Variants in RAB11FIP3 observed in about 807,000 individuals in gnomAD.
RAB11FIP3 encodes the protein rab11 family-interacting protein 3.
A neutral mutation model predicts 77.8 loss-of-function variants in RAB11FIP3; 17 were observed. The observed-to-expected ratio is 0.22, with a 90% CI of 0.15 to 0.33. RAB11FIP3 has a LOEUF of 0.33. RAB11FIP3 is among the 10% of genes least tolerant of loss of function. The pLI is 1.00. For missense variants in RAB11FIP3, 1,005 were observed against 1,011.2 expected, an observed-to-expected ratio of 0.99 and a Z score of 0.08; for synonymous variants, 437 against 448.2, an observed-to-expected ratio of 0.98 and a Z score of 0.31.
chr16:483,687 G>C (rs943060110), intron 4 of RAB11FIP3, among the ~76,000 whole-genome samples: 6 of 152,142 alleles, frequency 3.9e-5, no homozygotes, highest in African/African-American at 1.4e-4. Context: ...CCCTGGTGCA[G>C]GAGGGAATTA....
At chr16:468,679 A>G (rs1375946047) in intron 2 of RAB11FIP3, among the ~76,000 whole-genome samples, 1 of 152,138 alleles carries the variant, frequency 6.6e-6, no homozygotes, top group Non-Finnish European at 1.5e-5. Flanking sequence ...GCCTTGTTTC[A>G]GGAATAGAAT....
chr16:492,494 A>G lies in RAB11FIP3; in HGVS notation c.1265+3494A>G, dbSNP rs1265465246. Among the ~76,000 whole-genome samples the G allele has an allele frequency of 1.4e-4, 15 of 103,480 alleles. 2 individuals are homozygous for G. The highest frequency in any genetic ancestry group is 3.4e-4 in the African/African-American group (10 of 29,302). The allele number at this position is 103,480 out of a possible 152,430, so 67.9% of individuals were successfully genotyped here. On this transcript the variant is annotated intron_variant, in intron 5 of 13. Transcript: ENST00000262305. Reference sequence around the variant, plus strand: ...CGAGGCCGCCCAGGGCCCTCCCGGGAGACCCGAGGCCGCCCAGGGCCCTCC... The same window carrying G: ...CGAGGCCGCCCAGGGCCCTCCCGGGGGACCCGAGGCCGCCCAGGGCCCTCC...
intron 3 of RAB11FIP3, among the ~76,000 whole-genome samples, chr16:476,078 A>G (rs2055902148): frequency 6.6e-6 from 1 of 152,048 alleles, no homozygotes; most frequent in South Asian, 2.1e-4. Context: ...CTGGTCTCGA[A>G]CTCCTGGCCT....
intron 8 of RAB11FIP3, among the ~76,000 whole-genome samples, chr16:509,840 C>T (rs1208154121): frequency 6.6e-6 from 1 of 152,230 alleles, no homozygotes; most frequent in Non-Finnish European, 1.5e-5. Flanking sequence ...CCATGTGGAC[C>T]TGGCATCTCA....
intron 5 of RAB11FIP3, 39 bp from the exon 6 acceptor site, chr16:496,785 G>T (rs781417147): frequency 1.3e-6 from 2 of 1,552,052 alleles, no homozygotes; most frequent in East Asian, 2.2e-5. Flanking sequence ...CTCTCTGTCT[G>T]TTCTAACAAT....
Position 426,536 on chromosome 16 carries a change from G to T in RAB11FIP3, c.530G>T (p.Gly177Val). ...PTAGELALEQ[G>V]PGSPPQPSDL... is the part of the protein sequence containing the mutation. ...GCGGGCGAGCTGGCGCTGGAGCAAG[G>T]TCCCGGGTCCCCGCCGCAGCCCTCG... The change falls in exon 1 of 14, where the codon GGT becomes GTT. Residue 177 changes from glycine (G) to valine (V), a missense_variant. Physicochemically the swap from Gly to Val is moderately radical, Grantham distance 109. Coordinates refer to ENST00000262305, the MANE Select transcript of RAB11FIP3 (RefSeq NM_014700.4). The surrounding 1 kb of genome is among the most constrained non-coding windows in gnomAD (Gnocchi z 5.0). The T allele has an allele frequency of 6.4e-7, 1 of 1,565,394 alleles. No individual in the cohort carries two copies.
At chr16:462,506 G>A (rs2055624532) in intron 2 of RAB11FIP3, among the ~76,000 whole-genome samples, 2 of 152,138 alleles carry the variant, frequency 1.3e-5, no homozygotes, top group African/African-American at 4.8e-5. Flanking sequence ...AGGCTGAGGT[G>A]CTGGGATTAC....
chr16:462,753 GCACCA>G (rs780861724), intron 2 of RAB11FIP3, among the ~76,000 whole-genome samples: 5 of 90,552 alleles, frequency 5.5e-5, no homozygotes, highest in South Asian at 4.2e-4. Context: ...CCCCAGCACC[GCACCA>G]TCCCTTCCCC....
intron 10 of RAB11FIP3, 92 bp from the exon 11 acceptor site, chr16:519,662 G>A (rs866336161): frequency 2.0e-6 from 3 of 1,516,448 alleles, no homozygotes; most frequent in African/African-American, 1.4e-5. Context: ...GCTGTTGGGA[G>A]ACTCAGAGAT....
intron 1 of RAB11FIP3, among the ~76,000 whole-genome samples, chr16:442,521 C>T (rs1387733564): frequency 3.3e-5 from 5 of 152,218 alleles, no homozygotes; most frequent in Non-Finnish European, 5.9e-5. Context: ...CCCGCTCAGC[C>T]GGGCTGCCGC....
intron 6 of RAB11FIP3, among the ~76,000 whole-genome samples, chr16:500,930 A>G (rs1316871383): frequency 1.3e-5 from 2 of 151,936 alleles, no homozygotes; most frequent in Non-Finnish European, 2.9e-5. Context: ...TCATGCCTGG[A>G]GTGGCTCATG....
rs74986699 is a variant in RAB11FIP3, at chr16:472,240, G to T, written c.903+851G>T. 6.6e-6 allele frequency among the ~76,000 whole-genome samples: 1 copy of T among 152,212 alleles called. No individual in the cohort carries two copies. The highest frequency in any genetic ancestry group is 6.5e-5 in the Admixed American group (1 of 15,284). On this transcript the variant is annotated intron_variant, in intron 3 of 13. Coordinates refer to ENST00000262305, the MANE Select transcript of RAB11FIP3 (RefSeq NM_014700.4). The surrounding 1 kb of genome is among the most constrained non-coding windows in gnomAD (Gnocchi z 4.1). ...ACTCAGTTCCCTGTTCCGAGAAGCT[G>T]CCCCAGGGATTAGTCACCCTCACCC...
intron 4 of RAB11FIP3, among the ~76,000 whole-genome samples, chr16:484,038 G>A (rs8059676): frequency 0.16 from 24,202 of 151,796 alleles, 2,884 homozygotes; most frequent in African/African-American, 0.34. Flanking sequence ...GCGGCATCAC[G>A]GGCTGTTAGT....
At chr16:508,147 C>T (rs1025586463) in intron 8 of RAB11FIP3, among the ~76,000 whole-genome samples, 1 of 152,234 alleles carries the variant, frequency 6.6e-6, no homozygotes, top group Non-Finnish European at 1.5e-5. Context: ...TTTCCTCCCA[C>T]CCTGCTCCAG....
intron 6 of RAB11FIP3, chr16:497,093 T>A: frequency 1.8e-6 from 1 of 551,282 alleles, no homozygotes; most frequent in Non-Finnish European, 3.0e-6. Flanking sequence ...GAGCTTTTGG[T>A]GCTGGGCCTC....
At chr16:489,209 C>A in intron 5 of RAB11FIP3, 1 of 636,998 alleles carries the variant, frequency 1.6e-6, no homozygotes, top group South Asian at 2.1e-5. Flanking sequence ...ATCCCCAGAT[C>A]ACTCTACATT....
chr16:456,619 A>G (rs927453150), intron 1 of RAB11FIP3, among the ~76,000 whole-genome samples: 1 of 151,864 alleles, frequency 6.6e-6, no homozygotes, highest in East Asian at 1.9e-4. Flanking sequence ...TTGATTGGGC[A>G]TGGTGGAAGG....
intron 3 of RAB11FIP3, among the ~76,000 whole-genome samples, chr16:476,173 G>T (rs2055904215): frequency 3.9e-5 from 6 of 152,212 alleles, no homozygotes. Context: ...CTTTAGAAAT[G>T]AGAAGGTGAA....
chr16:508,467 G>A (rs1256361378), intron 8 of RAB11FIP3, among the ~76,000 whole-genome samples: 2 of 152,132 alleles, frequency 1.3e-5, no homozygotes, highest in African/African-American at 2.4e-5. Flanking sequence ...TCCGCCTCCC[G>A]GGTTCAAGTG....
Sources: allele counts gnomAD v4.1 joint callset (sites outside exome capture counted in the v4.1 genomes callset), GRCh38; gene constraint gnomAD v4.1.1; non-coding constraint Gnocchi (gnomAD v3.1); transcripts MANE v1.5; gene names NCBI Gene and HGNC (gene_info 2026-07-23, HGNC 2026-07-21).